The following STS variants were observed in gnomAD, a reference collection of about 807,000 sequenced individuals.
The protein encoded by STS is steroid sulfatase.
STS carries 7 observed loss-of-function variants against 26.8 expected under a neutral mutation model. The observed-to-expected ratio is 0.26, with a 90% CI of 0.15 to 0.49. The LOEUF is 0.49. Among genes scored for constraint, STS ranks in the 20% least tolerant of loss-of-function variants. The pLI is 0.98. For synonymous variants in STS, 199 were observed against 189.4 expected (o/e 1.05, Z -0.42); for missense variants, 434 against 465.6 (o/e 0.93, Z 0.63).
chrX:7,156,579 A>G (rs1385865524), intron 1 of STS, among the ~76,000 whole-genome samples: 2 of 111,765 alleles, frequency 1.8e-5, no homozygotes, highest in African/African-American at 3.3e-5. Context: ...CTCTGAAAGA[A>G]TCTTAGAGGC....
chrX:7,326,377 G>A (rs1183102713), intron 9 of STS, among the ~76,000 whole-genome samples: 4 of 111,413 alleles, frequency 3.6e-5, no homozygotes, highest in East Asian at 2.8e-4. Context: ...TTTCGGCATC[G>A]TGCTGACGCT....
At chrX:7,262,292 T>C (rs1157013302) in intron 6 of STS, among the ~76,000 whole-genome samples, 2 of 111,689 alleles carry the variant, frequency 1.8e-5, no homozygotes, top group African/African-American at 3.3e-5. Context: ...TGCTAATATC[T>C]TGTGGTTCTG....
intron 7 of STS, among the ~76,000 whole-genome samples, chrX:7,296,833 C>G (rs1295391477): frequency 9.0e-6 from 1 of 111,711 alleles, no homozygotes; most frequent in Non-Finnish European, 1.9e-5. Context: ...TTACGACTGC[C>G]ATTAGGGCAA....
At chrX:7,276,188 G>C (rs1924528897) in intron 7 of STS, 101 bp downstream of exon 7, 3 of 1,055,050 alleles carry the variant, frequency 2.8e-6, no homozygotes, top group Non-Finnish European at 3.9e-6. Flanking sequence ...TGCCTTTAGA[G>C]ACAGCAAATG....
At chrX:7,188,293 G>T (rs771003169) in intron 1 of STS, among the ~76,000 whole-genome samples, 1 of 111,169 alleles carries the variant, frequency 9.0e-6, no homozygotes, top group African/African-American at 3.3e-5. Context: ...GTTGACACTT[G>T]GGAGAAGACC....
At chrX:7,152,016 G>A (rs1347436936) in intron 1 of STS, among the ~76,000 whole-genome samples, 5 of 111,120 alleles carry the variant, frequency 4.5e-5, no homozygotes, top group African/African-American at 1.6e-4. Context: ...ACAGTGGCAC[G>A]ATCTTGGCTC....
Position 7,257,255 on chromosome X carries a change from G to A in STS, c.151G>A (p.Asp51Asn), listed in dbSNP as rs187669216. Residue 51 changes from aspartate (D) to asparagine (N), a missense_variant, in exon 4 of 11, where the codon GAC becomes AAC. Asp to Asn is a conservative substitution (Grantham distance 23). Around this residue, in one of 2 missense-constraint regions of STS, gnomAD observed 229 missense variants for 288.3 expected, o/e 0.79. Transcript: ENST00000674429. Reference sequence around the variant, plus strand: ...CTTTTGTTCTAGGACTCCCAATATCGACCGGTTGGCCAGTGGGGGAGTGAA... The same window carrying A: ...CTTTTGTTCTAGGACTCCCAATATCAACCGGTTGGCCAGTGGGGGAGTGAA... ...GNKTIRTPNIDRLASGGVKLT... is the reference protein window; with the variant it reads ...GNKTIRTPNINRLASGGVKLT... The A allele has an allele frequency of 1.4e-5, 17 of 1,209,593 alleles. No homozygotes were observed. The East Asian group carries it at 4.1e-4, about 30-fold the overall frequency.
At chrX:7,164,220 A>G (rs1485128962) in intron 1 of STS, among the ~76,000 whole-genome samples, 1 of 111,909 alleles carries the variant, frequency 8.9e-6, no homozygotes, top group Non-Finnish European at 1.9e-5. Flanking sequence ...ATTACCTTAT[A>G]AAACCCAAAA....
intron 8 of STS, among the ~76,000 whole-genome samples, chrX:7,307,083 G>A (rs1349515800): frequency 3.6e-5 from 4 of 111,541 alleles, no homozygotes; most frequent in Non-Finnish European, 7.5e-5. Context: ...AGCACAAAAA[G>A]ATGCCTGTTA....
At chrX:7,333,800 T>C (rs1927874828) in intron 9 of STS, among the ~76,000 whole-genome samples, 186 bp from the exon 10 acceptor site, 1 of 112,740 alleles carries the variant, frequency 8.9e-6, no homozygotes, top group Non-Finnish European at 1.9e-5. Context: ...ATGGTGCTCT[T>C]TGCAGATGTA....
At position 7,353,113 on chromosome X, in the gene STS, T is replaced by A. The variant is rs1313159239; in HGVS notation, c.*2852T>A. On this transcript the variant is annotated 3_prime_UTR_variant, in exon 11 of 11. Transcript: ENST00000674429. Reference sequence around the variant, plus strand: ...TTTCTATCGTGACTCAATTCAACAATGTGGGGAATGTTTACTACATTTCCA... The same window carrying A: ...TTTCTATCGTGACTCAATTCAACAAAGTGGGGAATGTTTACTACATTTCCA... 1 of 112,007 alleles carries A rather than the reference T, an allele frequency of 8.9e-6. No individual in the cohort carries two copies. The highest frequency in any genetic ancestry group is 1.9e-5 in the Non-Finnish European group (1 of 53,296). 9.2% of individuals were successfully genotyped at this position (112,007 alleles called of 1,213,427 possible).
At chrX:7,154,791 C>A (rs1315860507) in intron 1 of STS, among the ~76,000 whole-genome samples, 1 of 109,638 alleles carries the variant, frequency 9.1e-6, no homozygotes, top group Admixed American at 9.7e-5. Flanking sequence ...AGTGAATGTG[C>A]AAATAAAGGG....
chrX:7,252,188 T>G, intron 2 of STS: 63 of 434,030 alleles, frequency 1.5e-4, no homozygotes, highest in Non-Finnish European at 1.7e-4. Flanking sequence ...GAGAAAGTAG[T>G]GAGTTTTGTC....
chrX:7,333,133 T>C (rs1308459729), intron 9 of STS, among the ~76,000 whole-genome samples: 1 of 112,167 alleles, frequency 8.9e-6, no homozygotes, highest in Non-Finnish European at 1.9e-5. Flanking sequence ...GGATGTAGTG[T>C]TTTTAATCAG....
intron 2 of STS, among the ~76,000 whole-genome samples, chrX:7,230,715 A>C (rs937209412): frequency 1.8e-4 from 20 of 110,881 alleles, no homozygotes; most frequent in African/African-American, 5.3e-4. Flanking sequence ...AAACCATGAG[A>C]TCTCATGAGA....
chrX:7,271,518 G>T (rs1431094652), intron 6 of STS, among the ~76,000 whole-genome samples: 1 of 110,937 alleles, frequency 9.0e-6, no homozygotes, highest in Non-Finnish European at 1.9e-5. Context: ...CTCTTAGAAG[G>T]AGCCAAACAC....
In STS at chrX:7,328,289, G is replaced by A. The variant is rs184075345; in HGVS notation, c.1241+2791G>A. Among the ~76,000 whole-genome samples, 18 of 111,725 alleles carry A rather than the reference G, an allele frequency of 1.6e-4. No individual in the cohort carries two copies. The Admixed American group carries it at 1.7e-3, about 11-fold the overall frequency. On this transcript the variant is annotated intron_variant, in intron 9 of 10. Coordinates refer to ENST00000674429, the MANE Select transcript of STS (RefSeq NM_001320752.2). ...TTTCTACCCAGTGGGGGAAAAGCAA[G>A]GTAAGGAAAAAGTTCAGAGGCAAAG... is the stretch of plus-strand genomic sequence containing the variant.
At chrX:7,169,906 G>C (rs1273209995) in intron 1 of STS, among the ~76,000 whole-genome samples, 1 of 108,434 alleles carries the variant, frequency 9.2e-6, no homozygotes, top group Non-Finnish European at 1.9e-5. Context: ...GGGGGGCTGG[G>C]GGGTGGGTGC....
At chrX:7,152,021 T>G (rs772976165) in intron 1 of STS, among the ~76,000 whole-genome samples, 1 of 111,363 alleles carries the variant, frequency 9.0e-6, no homozygotes, top group South Asian at 3.9e-4. Flanking sequence ...GGCACGATCT[T>G]GGCTCACTGC....
Sources: gnomAD v4.1 joint callset for allele counts (sites outside exome capture counted in the v4.1 genomes callset) on GRCh38, gnomAD v4.1.1 for gene constraint, gnomAD v4.1.1 regional missense constraint, MANE v1.5 for transcripts, NCBI Gene and HGNC (gene_info 2026-07-23, HGNC 2026-07-21) for gene names.